The following COTL1 variants were observed in gnomAD, a reference collection of about 807,000 sequenced individuals.
The protein encoded by COTL1 is coactosin like F-actin binding protein 1, also known as coactosin-like protein.
COTL1 carries 15 observed loss-of-function variants against 16.5 expected under a neutral mutation model. That is an observed-to-expected ratio of 0.91 (90% CI 0.61 to 1.40). The LOEUF (loss-of-function observed/expected upper bound fraction) is 1.40, where lower values mean the gene tolerates loss of function less well. COTL1 is among the 40% of genes most tolerant of loss of function. The pLI, the probability that COTL1 is intolerant of heterozygous loss-of-function variation, is 0.00. For missense variants in COTL1, 220 were observed against 201.5 expected, an observed-to-expected ratio of 1.09 and a Z score of -0.56; for synonymous variants, 112 against 85.3, an observed-to-expected ratio of 1.31 and a Z score of -1.73.
intron 3 of COTL1, among the ~76,000 whole-genome samples, chr16:84,580,548 G>T (rs1256796813): frequency 2.0e-5 from 3 of 152,086 alleles, no homozygotes; most frequent in African/African-American, 7.2e-5. Flanking sequence ...GATCAACAAA[G>T]CAGATGCATC....
At chr16:84,591,016 T>C (rs1279733907) in intron 2 of COTL1, among the ~76,000 whole-genome samples, 1 of 152,194 alleles carries the variant, frequency 6.6e-6, no homozygotes, top group Non-Finnish European at 1.5e-5. Context: ...TCATTTTTAT[T>C]AAAATGGCTT....
intron 2 of COTL1, among the ~76,000 whole-genome samples, chr16:84,600,312 C>CTTTTT (rs11305996): frequency 7.9e-6 from 1 of 125,880 alleles, no homozygotes; most frequent in Non-Finnish European, 1.7e-5. Context: ...AATAAAGGCT[C>CTTTTT]TTTTTTTTTT....
chr16:84,566,851 C>T lies in COTL1; in HGVS notation c.423G>A (p.Thr141=), dbSNP rs773568755. ...KAGGANYDAQ[T]E ...GGTGTGGCGGGGGCTGGGGTTACTC[C>T]GTCTGGGCGTCGTAATTGGCTCCCC... is the stretch of plus-strand genomic sequence containing the variant. The change falls in exon 4 of 4, where the codon ACG becomes ACA. Residue 141 remains threonine (T), a synonymous_variant. Coordinates refer to ENST00000262428, the MANE Select transcript of COTL1 (RefSeq NM_021149.5). 42 of 1,610,416 alleles carry T rather than the reference C, an allele frequency of 2.6e-5. No individual in the cohort carries two copies. Among genetic ancestry groups the T allele is most frequent in the Non-Finnish European group, 3.1e-5 (37 of 1,177,208 alleles).
intron 2 of COTL1, 35 bp downstream of exon 2, chr16:84,617,466 G>C (rs1298447873): frequency 3.2e-6 from 5 of 1,541,952 alleles, no homozygotes; most frequent in Non-Finnish European, 4.4e-6. Context: ...ACCTCCCAAC[G>C]ACCGCGCATC....
rs772139751 is a variant in COTL1, at chr16:84,590,240, G to A, written c.183C>T (p.Phe61=). 8.7e-5 allele frequency: 141 copies of A among 1,614,014 alleles called. No individual in the cohort carries two copies. Among genetic ancestry groups the A allele is most frequent in the Non-Finnish European group, 1.1e-4 (129 of 1,180,002 alleles). Residue 61 remains phenylalanine, a synonymous_variant, in exon 3 of 4, where the codon TTC becomes TTT. Coordinates refer to ENST00000262428, the MANE Select transcript of COTL1 (RefSeq NM_021149.5). This position sits in a 1 kb window ranked among gnomAD's most constrained non-coding sequence, Gnocchi z 5.5. ...QCTDDVRLFA[F]VRFTTGDAMS... ...TGGCATCCCCGGTGGTGAAGCGCAC[G>A]AAGGCAAACAACCGGACGTCATCTG...
At chr16:84,580,393 C>CATA (rs1287795541) in intron 3 of COTL1, among the ~76,000 whole-genome samples, 1 of 152,132 alleles carries the variant, frequency 6.6e-6, no homozygotes, top group East Asian at 1.9e-4. Context: ...ACTACAGGTA[C>CATA]ATAACACCAT....
chr16:84,600,352 G>C (rs1033576936), intron 2 of COTL1, among the ~76,000 whole-genome samples: 2 of 121,266 alleles, frequency 1.6e-5, no homozygotes, highest in African/African-American at 6.5e-5. Flanking sequence ...TCGCTCTGTT[G>C]TCCAGCCTGC....
Position 84,592,996 on chromosome 16 carries a change from C to G in COTL1, c.161-2734G>C, listed in dbSNP as rs1321253810. Among the ~76,000 whole-genome samples the G allele has an allele frequency of 1.3e-5, 2 of 152,194 alleles. 1 individual carries two copies. The highest frequency in any genetic ancestry group is 2.9e-5 in the Non-Finnish European group (2 of 68,038). ...ACCACTTTTCAGTTTACAAAACATGCTTCTATTTCATCTCATTTGGTCTTT... is the reference window on the plus strand; with the variant it reads ...ACCACTTTTCAGTTTACAAAACATGGTTCTATTTCATCTCATTTGGTCTTT... On this transcript the variant is annotated intron_variant, in intron 2 of 3. Coordinates refer to ENST00000262428, the MANE Select transcript of COTL1 (RefSeq NM_021149.5).
intron 2 of COTL1, among the ~76,000 whole-genome samples, chr16:84,609,995 A>G (rs1233461645): frequency 6.6e-6 from 1 of 152,206 alleles, no homozygotes; most frequent in African/African-American, 2.4e-5. Flanking sequence ...GCGTGGTCCC[A>G]TTTACCACAT....
In COTL1 at chr16:84,566,609, G is replaced by C. The variant is rs1014954300; in HGVS notation, c.*236C>G. The C allele has an allele frequency of 4.2e-6, 2 of 479,416 alleles. No individual in the cohort carries two copies. Among genetic ancestry groups the C allele is most frequent in the Non-Finnish European group, 7.4e-6 (2 of 269,530 alleles). The allele number at this position is 479,416 out of a possible 1,614,324, so 29.7% of individuals were successfully genotyped here. A position where few individuals can be genotyped will look rare whatever the true frequency, so the allele number is the denominator to read the frequency against. ...TTTTCTTTAGAACAAAAAAGAGGGG[G>C]AGAAAAGAAAAAGAAGATCAAAGAA... is the stretch of plus-strand genomic sequence containing the variant. On this transcript the variant is annotated 3_prime_UTR_variant, in exon 4 of 4. Coordinates refer to ENST00000262428, the MANE Select transcript of COTL1 (RefSeq NM_021149.5).
At chr16:84,611,674 G>A (rs1246788648) in intron 2 of COTL1, among the ~76,000 whole-genome samples, 5 of 152,090 alleles carry the variant, frequency 3.3e-5, no homozygotes, top group African/African-American at 1.2e-4. Flanking sequence ...GAGAATGAAG[G>A]AATAAACACA....
At chr16:84,570,222 G>C (rs1904318810) in intron 3 of COTL1, among the ~76,000 whole-genome samples, 1 of 152,192 alleles carries the variant, frequency 6.6e-6, no homozygotes, top group Non-Finnish European at 1.5e-5. Context: ...ATGGCAGTGA[G>C]CCAAGATGGC....
At position 84,566,659 on chromosome 16, in the gene COTL1, T is replaced by G; in HGVS notation, c.*186A>C. The G allele has an allele frequency of 1.8e-6, 1 of 545,540 alleles. No individual in the cohort carries two copies. The highest frequency in any genetic ancestry group is 3.3e-6 in the Non-Finnish European group (1 of 306,818). 33.8% of individuals were successfully genotyped at this position (545,540 alleles called of 1,614,324 possible). ...AAGAGGTTCCATGAGCGTCATGAGA[T>G]AGGACACGGCAGGGTTCTAAGGGAA... is the stretch of plus-strand genomic sequence containing the variant. On this transcript the variant is annotated 3_prime_UTR_variant, in exon 4 of 4. Coordinates refer to ENST00000262428, the MANE Select transcript of COTL1 (RefSeq NM_021149.5).
At chr16:84,585,468 T>C (rs1442662150) in intron 3 of COTL1, among the ~76,000 whole-genome samples, 1 of 152,218 alleles carries the variant, frequency 6.6e-6, no homozygotes, top group East Asian at 1.9e-4. Context: ...TGTGCATTAC[T>C]TTATTACTGT....
intron 2 of COTL1, among the ~76,000 whole-genome samples, chr16:84,593,588 T>C (rs1904924749): frequency 6.6e-6 from 1 of 151,558 alleles, no homozygotes; most frequent in South Asian, 2.1e-4. Context: ...CTCGGCTCAC[T>C]GCAAGCTCCG....
chr16:84,586,768 G>A (rs1444210414), intron 3 of COTL1, among the ~76,000 whole-genome samples: 3 of 151,990 alleles, frequency 2.0e-5, no homozygotes, highest in African/African-American at 4.8e-5. Context: ...GGTATTTTTA[G>A]TAGAGACGGG....
At chr16:84,597,643 A>C (rs1905032963) in intron 2 of COTL1, among the ~76,000 whole-genome samples, 1 of 152,174 alleles carries the variant, frequency 6.6e-6, no homozygotes, top group South Asian at 2.1e-4. Flanking sequence ...GGAGAAGAGG[A>C]AATGGTGAGA....
At chr16:84,613,874 C>T (rs376223542) in intron 2 of COTL1, among the ~76,000 whole-genome samples, 15 of 151,810 alleles carry the variant, frequency 9.9e-5, no homozygotes, top group African/African-American at 2.7e-4. Context: ...GGCCTGGCCA[C>T]GCAGAGTCTC....
At position 84,617,963 on chromosome 16, in the gene COTL1, C is replaced by T. The variant is rs1567543101; in HGVS notation, c.-49G>A. 1 of 1,400,452 alleles carries T rather than the reference C, an allele frequency of 7.1e-7. No homozygotes were observed. Among genetic ancestry groups the T allele is most frequent in the East Asian group, 3.0e-5 (1 of 33,016 alleles). The allele number at this position is 1,400,452 out of a possible 1,614,324, so 86.8% of individuals were successfully genotyped here. A position where few individuals can be genotyped will look rare whatever the true frequency, so the allele number is the denominator to read the frequency against. On this transcript the variant is annotated 5_prime_UTR_variant, in exon 1 of 4. Transcript: ENST00000262428. ...CTGTCCGGGGCGGCCGAGCGCGCCCCTGGCCGGCGGCGGGGATGGGAGCGC... is the reference window on the plus strand; with the variant it reads ...CTGTCCGGGGCGGCCGAGCGCGCCCTTGGCCGGCGGCGGGGATGGGAGCGC...
Sources: gnomAD v4.1 joint callset for allele counts (sites outside exome capture counted in the v4.1 genomes callset) on GRCh38, gnomAD v4.1.1 for gene constraint, Gnocchi (gnomAD v3.1) non-coding constraint, MANE v1.5 for transcripts, NCBI Gene and HGNC (gene_info 2026-07-23, HGNC 2026-07-21) for gene names.